The following DST variants were observed in gnomAD, a reference collection of about 807,000 sequenced individuals.
DST encodes dystonin, also known as bullous pemphigoid antigen.
DST carries 253 observed loss-of-function variants against 875.2 expected under a neutral mutation model. The ratio of observed to expected loss-of-function variants is 0.29; its 90% CI spans 0.26 to 0.32. The LOEUF (loss-of-function observed/expected upper bound fraction) is 0.32. Among genes scored for constraint, DST ranks in the 10% least tolerant of loss-of-function variants. DST has a pLI of 1.00. For synonymous variants in DST, 3,124 were observed against 3,197.1 expected (o/e 0.98, Z 0.77); for missense variants, 8,287 against 9,111.6 (o/e 0.91, Z 3.68).
At chr6:56,615,167 A>G (rs1175021295) in intron 36 of DST, 1 of 1,091,740 alleles carries the variant, frequency 9.2e-7, no homozygotes, top group African/African-American at 1.7e-5. Context: ...TTTATCATTT[A>G]ATAAATGATC....
At chr6:56,766,495 T>C (rs1311831288) in intron 4 of DST, among the ~76,000 whole-genome samples, 2 of 151,858 alleles carry the variant, frequency 1.3e-5, no homozygotes, top group Non-Finnish European at 2.9e-5. Context: ...ATCAGACATA[T>C]AAGGCCTTTC....
chr6:56,641,898 A>G, intron 17 of DST, 49 bp downstream of exon 17: 1 of 1,459,128 alleles, frequency 6.9e-7, no homozygotes, highest in Non-Finnish European at 9.3e-7. Flanking sequence ...AATGCCCATG[A>G]AACAGTTACA....
At position 56,522,728 on chromosome 6, in the gene DST, C is replaced by T. The variant is rs1449055492; in HGVS notation, c.18129+3633G>A. 9.2e-5 allele frequency among the ~76,000 whole-genome samples: 14 copies of T among 152,042 alleles called. 1 individual carries two copies. Among genetic ancestry groups the T allele is most frequent in the Non-Finnish European group, 1.8e-4 (12 of 67,978 alleles). On this transcript the variant is annotated intron_variant, in intron 69 of 103. Coordinates refer to ENST00000680361, the MANE Select transcript of DST (RefSeq NM_001374736.1). ...CCTTTCTAACAGGGTTATTATGGGG[C>T]CCACTTACATAAGCCAAGCAATTAG...
intron 9 of DST, among the ~76,000 whole-genome samples, chr6:56,685,667 G>A (rs1175542563): frequency 6.6e-6 from 1 of 152,152 alleles, no homozygotes; most frequent in East Asian, 1.9e-4. Flanking sequence ...AGCTACTCGT[G>A]AGGCTGAGGC....
At chr6:56,674,747 T>A (rs552232021) in intron 9 of DST, among the ~76,000 whole-genome samples, 4 of 152,310 alleles carry the variant, frequency 2.6e-5, no homozygotes, top group African/African-American at 9.6e-5. Context: ...AAAACACTGA[T>A]GAAAGAAATT....
chr6:56,752,671 G>A (rs544021960), intron 4 of DST, among the ~76,000 whole-genome samples: 64 of 152,296 alleles, frequency 4.2e-4, no homozygotes, highest in African/African-American at 1.5e-3. Context: ...TTGTGATTAT[G>A]GAGAGGCATT....
chr6:56,625,119 T>C, intron 35 of DST, 38 bp downstream of exon 35: 4 of 1,379,392 alleles, frequency 2.9e-6, no homozygotes, highest in Non-Finnish European at 4.1e-6. Context: ...GTTCTTTCTT[T>C]TATGCCCCTT....
chr6:56,837,290 T>C (rs1027935809), intron 4 of DST, among the ~76,000 whole-genome samples: 2 of 152,188 alleles, frequency 1.3e-5, no homozygotes, highest in East Asian at 1.9e-4. Flanking sequence ...AAAGGAAACA[T>C]TTCAAACTTT....
chr6:56,563,905 T>A (rs1322360226), intron 55 of DST, among the ~76,000 whole-genome samples: 1 of 152,220 alleles, frequency 6.6e-6, no homozygotes, highest in Non-Finnish European at 1.5e-5. Context: ...GTGTTATTTC[T>A]GAGGCCTCTG....
intron 2 of DST, among the ~76,000 whole-genome samples, chr6:56,945,343 T>C (rs1818873360): frequency 1.3e-5 from 2 of 152,188 alleles, no homozygotes; most frequent in South Asian, 2.1e-4. Flanking sequence ...TCCAGAGATA[T>C]TTAAAAGAGA....
chr6:56,604,370 T>G lies in DST; in HGVS notation c.10258A>C (p.Met3420Leu), dbSNP rs1209602051. Reference sequence around the variant, plus strand: ...GGCTTTAGTTCTGATGAGTTAGTCATGGGGGAAACTCCAGAAGAGTCACTC... The same window carrying G: ...GGCTTTAGTTCTGATGAGTTAGTCAGGGGGGAAACTCCAGAAGAGTCACTC... ...QMSDSSGVSP[M>L]TNSSELKPES... is the part of the protein sequence containing the mutation. Residue 3420 changes from methionine to leucine, a missense_variant, in exon 40 of 104, where the codon ATG (methionine) becomes CTG (leucine). This residue lies in a region of DST where 3,138 missense variants were observed against 3,116.6 expected (regional missense o/e 1.01). Transcript: ENST00000680361. The G allele has an allele frequency of 4.3e-6, 7 of 1,611,948 alleles. No homozygotes were observed. Among genetic ancestry groups the G allele is most frequent in the Non-Finnish European group, 5.1e-6 (6 of 1,178,936 alleles).
At chr6:56,754,184 G>C (rs1484954119) in intron 4 of DST, among the ~76,000 whole-genome samples, 1 of 152,154 alleles carries the variant, frequency 6.6e-6, no homozygotes, top group Non-Finnish European at 1.5e-5. Context: ...TAAGAGTAAA[G>C]TAACTTATTT....
At chr6:56,587,349 G>T (rs958802053) in intron 49 of DST, among the ~76,000 whole-genome samples, 1 of 152,134 alleles carries the variant, frequency 6.6e-6, no homozygotes, top group South Asian at 2.1e-4. Flanking sequence ...AGCAAGAAGG[G>T]AAGTTCAGAG....
At chr6:56,782,740 T>C (rs2099696640) in intron 4 of DST, among the ~76,000 whole-genome samples, 1 of 152,306 alleles carries the variant, frequency 6.6e-6, no homozygotes, top group Admixed American at 6.5e-5. Flanking sequence ...CTGCTCTGAT[T>C]TTCGTTATTT....
chr6:56,517,666 T>C (rs1168190002), intron 69 of DST, 46 bp from the exon 70 acceptor site: 2 of 1,569,576 alleles, frequency 1.3e-6, no homozygotes, highest in Non-Finnish European at 1.7e-6. Context: ...CCGTTCCTGA[T>C]GCCAGAAAAT....
At position 56,601,934 on chromosome 6, in the gene DST, T is replaced by G. The variant is rs1563095253; in HGVS notation, c.11308-258A>C. On this transcript the variant is annotated intron_variant, in intron 43 of 103. Coordinates refer to ENST00000680361, the MANE Select transcript of DST (RefSeq NM_001374736.1). ...AATGTTTTATCTTTACCTGTCACAT[T>G]GCACTTAAAATATAACTCTGACAAA... 6.7e-6 allele frequency: 3 copies of G among 448,952 alleles called. No homozygotes were observed. In the East Asian group the frequency reaches 1.6e-4, roughly 24 times the overall value. The allele number at this position is 448,952 out of a possible 1,614,324, so 27.8% of individuals were successfully genotyped here.
intron 2 of DST, among the ~76,000 whole-genome samples, chr6:56,906,272 G>A (rs1425462230): frequency 6.6e-6 from 1 of 152,154 alleles, no homozygotes; most frequent in African/African-American, 2.4e-5. Flanking sequence ...CAGATACTCA[G>A]GGTACAAAAG....
chr6:56,947,853 G>T (rs1174155007), intron 2 of DST, among the ~76,000 whole-genome samples: 12 of 151,270 alleles, frequency 7.9e-5, no homozygotes, highest in African/African-American at 2.9e-4. Context: ...AGGTACAGTG[G>T]ACCCCACTTA....
intron 10 of DST, among the ~76,000 whole-genome samples, chr6:56,661,257 A>T (rs895093823): frequency 3.9e-5 from 6 of 152,208 alleles, no homozygotes; most frequent in Admixed American, 2.6e-4. Context: ...GTCAAAATAC[A>T]AGAAGTGTTA....
Sources: allele counts gnomAD v4.1 joint callset (sites outside exome capture counted in the v4.1 genomes callset), GRCh38; gene constraint gnomAD v4.1.1; regional missense constraint gnomAD v4.1.1; transcripts MANE v1.5; gene names NCBI Gene and HGNC (gene_info 2026-07-23, HGNC 2026-07-21).